CYP4F22: variants seen among roughly 807,000 people sequenced by gnomAD.
The protein encoded by CYP4F22 is cytochrome P450 family 4 subfamily F member 22, also known as ultra-long-chain fatty acid omega-hydroxylase.
A neutral mutation model predicts 60.4 loss-of-function variants in CYP4F22; 37 were observed. The ratio of observed to expected loss-of-function variants is 0.61; its 90% CI spans 0.47 to 0.81. The LOEUF is 0.81. Ranked by LOEUF, CYP4F22 falls within the 30% of genes least tolerant of loss-of-function variation. The pLI, the probability that CYP4F22 is intolerant of heterozygous loss-of-function variation, is 0.00. For missense variants in CYP4F22, 655 were observed against 715.0 expected (o/e 0.92, Z 0.96); for synonymous variants, 258 against 280.5 (o/e 0.92, Z 0.80).
rs1971547266 is a variant in CYP4F22, at chr19:15,547,991, GA to G, written c.1137-116del. On this transcript the variant is annotated intron_variant, in intron 10 of 13. Coordinates refer to ENST00000269703, the MANE Select transcript of CYP4F22 (RefSeq NM_173483.4). ...CCTGAGAGAGAGAGAGAGAGAGAGA[GA>G]GAGGGAGAGAGTGTGTGTGTGTGTG... 11 of 209,250 alleles carry G rather than the reference GA, an allele frequency of 5.3e-5. 1 individual carries two copies. The highest frequency in any genetic ancestry group is 1.8e-4 in the East Asian group (1 of 5,504). The allele number at this position is 209,250 out of a possible 1,614,324, so 13.0% of individuals were successfully genotyped here. A position where few individuals can be genotyped will look rare whatever the true frequency, so the allele number is the denominator to read the frequency against.
intron 1 of CYP4F22, chr19:15,515,250 G>A: frequency 1.3e-6 from 1 of 747,696 alleles, no homozygotes; most frequent in Non-Finnish European, 2.4e-6. Context: ...CGGCCCACTA[G>A]AGGTATCAGA....
intron 4 of CYP4F22, 46 bp from the exon 5 acceptor site, chr19:15,537,315 C>CA: frequency 1.2e-6 from 2 of 1,612,608 alleles, no homozygotes; most frequent in Non-Finnish European, 1.7e-6. Flanking sequence ...AACAAAAAAC[C>CA]AAAAAACTCT....
chr19:15,537,812 T>C, intron 6 of CYP4F22, 60 bp from the exon 7 acceptor site: 1 of 1,612,058 alleles, frequency 6.2e-7, no homozygotes, highest in East Asian at 2.2e-5. Flanking sequence ...GTCGGGTCCT[T>C]GTTAGGCTGA....
At chr19:15,527,628 C>A (rs140285801) in intron 3 of CYP4F22, among the ~76,000 whole-genome samples, 1 of 152,164 alleles carries the variant, frequency 6.6e-6, no homozygotes. Context: ...CCTGGGCCCA[C>A]GGGGGCTGGG....
chr19:15,536,587 A>T (rs1231162505), intron 4 of CYP4F22, among the ~76,000 whole-genome samples: 1 of 152,108 alleles, frequency 6.6e-6, no homozygotes, highest in East Asian at 1.9e-4. Flanking sequence ...GGCTGGGAGC[A>T]CAGGAGGTGT....
chr19:15,534,454 A>G lies in CYP4F22; in HGVS notation c.368-2907A>G, dbSNP rs150383577. ...CACCGTCTCATCCATGGTAGGCATT[A>G]CCATCTCTCCCTCTTTTTTTTTTTC... On this transcript the variant is annotated intron_variant, in intron 4 of 13. Transcript: ENST00000269703. Among the ~76,000 whole-genome samples, 373 of 151,516 alleles carry G rather than the reference A, an allele frequency of 2.5e-3. 1 individual carries two copies. The highest frequency in any genetic ancestry group is 8.5e-3 in the African/African-American group (352 of 41,378).
intron 4 of CYP4F22, among the ~76,000 whole-genome samples, chr19:15,530,892 T>C (rs1367950133): frequency 1.3e-5 from 2 of 152,072 alleles, no homozygotes; most frequent in African/African-American, 4.8e-5. Context: ...CCATATTACC[T>C]GGGCACCTCC....
chr19:15,540,753 AG>A, intron 8 of CYP4F22, 36 bp downstream of exon 8: 1 of 1,611,478 alleles, frequency 6.2e-7, no homozygotes, highest in Middle Eastern at 1.7e-4. Flanking sequence ...TGGCCTCCCG[AG>A]GGCTGGCCTC....
chr19:15,526,191 C>T (rs1339234488), intron 3 of CYP4F22, among the ~76,000 whole-genome samples: 1 of 152,026 alleles, frequency 6.6e-6, no homozygotes, highest in Non-Finnish European at 1.5e-5. Context: ...AGAACTCTCT[C>T]TATAATTTTA....
chr19:15,549,190 G>T lies in CYP4F22; in HGVS notation c.1323G>T (p.Trp441Cys). 4 of 1,613,980 alleles carry T rather than the reference G, an allele frequency of 2.5e-6. No homozygotes were observed. Among genetic ancestry groups the T allele is most frequent in the Non-Finnish European group, 2.5e-6 (3 of 1,179,994 alleles). Residue 441 changes from tryptophan to cysteine, a missense_variant, in exon 12 of 14, where the codon TGG becomes TGT. Transcript: ENST00000269703. ...GAACCCACCACAACCCCACAGTGTG[G>T]CCTGACTCCAAGGTGAGTGCCTGCC... The part of the protein sequence containing the change: ...IYGTHHNPTV[W>C]PDSKVYNPYR...
Position 15,515,786 on chromosome 19 carries a change from C to T in CYP4F22, c.-109+7203C>T, listed in dbSNP as rs370774818. On this transcript the variant is annotated intron_variant, in intron 1 of 13. Transcript: ENST00000269703. ...TCACCCAGGCTGGAGGGCAGTGGCG[C>T]GATCTCGGCTCACTGCAAGCTCTGC... Among the ~76,000 whole-genome samples, 160 of 151,940 alleles carry T rather than the reference C, an allele frequency of 1.1e-3. 1 individual carries two copies. The highest frequency in any genetic ancestry group is 3.6e-3 in the African/African-American group (150 of 41,520).
In CYP4F22 at chr19:15,529,727, G is replaced by A; in HGVS notation, c.241G>A (p.Gly81Ser). The stretch of plus-strand genomic sequence containing the variant: ...CTTGCAGTACCTTCCAAATGAGGCG[G>A]GCCTTCAAGATGAGAAGAAGGTACT... ...HLGMYLPNEA[G>S]LQDEKKVLDN... The change falls in exon 4 of 14, where the codon GGC (glycine) becomes AGC (serine). Residue 81 changes from glycine to serine, a missense_variant. By Grantham distance (56) the Gly-to-Ser change is moderately conservative. This residue lies in a region of CYP4F22 where 430 missense variants were observed against 457.1 expected (regional missense o/e 0.94). Transcript: ENST00000269703. 6.2e-7 allele frequency: 1 copy of A among 1,614,088 alleles called. No individual in the cohort carries two copies. The highest frequency in any genetic ancestry group is 2.2e-5 in the East Asian group (1 of 44,872).
intron 10 of CYP4F22, among the ~76,000 whole-genome samples, chr19:15,545,744 G>T (rs1971519352): frequency 6.6e-6 from 1 of 151,706 alleles, no homozygotes; most frequent in East Asian, 1.9e-4. Context: ...CAGTGAGGAG[G>T]TTCCTTTCGG....
Position 15,525,386 on chromosome 19 carries a change from C to T in CYP4F22, c.50C>T (p.Thr17Met), listed in dbSNP as rs773295754. 18 of 1,613,944 alleles carry T rather than the reference C, an allele frequency of 1.1e-5. No homozygotes were observed. The highest frequency in any genetic ancestry group is 5.3e-5 in the African/African-American group (4 of 74,922). The change falls in exon 3 of 14, where the codon ACG (threonine) becomes ATG (methionine). Residue 17 changes from threonine to methionine, a missense_variant. Around this residue, in one of 3 missense-constraint regions of CYP4F22, gnomAD observed 430 missense variants for 457.1 expected, o/e 0.94. Transcript: ENST00000269703. The part of the protein sequence containing the change: ...RLLHLLGLEK[T>M]AFRIYAVSTL... ...CTGCACCTCCTGGGGCTGGAGAAGA[C>T]GGCGTTCCGCATATACGCGGTGTCC...
At chr19:15,508,726 AC>A (rs200676271) in intron 1 of CYP4F22, 143 bp downstream of exon 1, 7,078 of 149,916 alleles carry the variant, frequency 0.047, 558 homozygotes, top group African/African-American at 0.16. Flanking sequence ...GGCCACGGGG[AC>A]CCCCCCAGGA....
intron 1 of CYP4F22, among the ~76,000 whole-genome samples, chr19:15,515,866 G>A (rs2144499000): frequency 6.6e-6 from 1 of 152,026 alleles, no homozygotes. Context: ...TGGGACTACA[G>A]GCGCCCGCCA....
At chr19:15,550,905 G>A in intron 13 of CYP4F22, 149 bp downstream of exon 13, 1 of 946,270 alleles carries the variant, frequency 1.1e-6, no homozygotes, top group Non-Finnish European at 1.7e-6. Flanking sequence ...GCGCCAGGAG[G>A]CCCCCAAATC....
At chr19:15,525,890 G>T (rs1971277712) in intron 3 of CYP4F22, among the ~76,000 whole-genome samples, 1 of 152,022 alleles carries the variant, frequency 6.6e-6, no homozygotes, top group Non-Finnish European at 1.5e-5. Context: ...ATATGGGTGT[G>T]GTGGTGCACA....
At chr19:15,512,698 C>T (rs2144493993) in intron 1 of CYP4F22, among the ~76,000 whole-genome samples, 1 of 152,296 alleles carries the variant, frequency 6.6e-6, no homozygotes, top group Admixed American at 6.5e-5. Flanking sequence ...CCATCTTGGC[C>T]TCCCAAAGTG....
Sources: gnomAD v4.1 joint callset for allele counts (sites outside exome capture counted in the v4.1 genomes callset) on GRCh38, gnomAD v4.1.1 for gene constraint, gnomAD v4.1.1 regional missense constraint, MANE v1.5 for transcripts, NCBI Gene and HGNC (gene_info 2026-07-23, HGNC 2026-07-21) for gene names.